The following ADGRL3 variants were observed in gnomAD, a reference collection of about 807,000 sequenced individuals.
The protein encoded by ADGRL3 is calcium-independent alpha-latrotoxin receptor 3.
In ADGRL3, 62 loss-of-function variants were observed where a neutral mutation model predicts 153.5. That is an observed-to-expected ratio of 0.40 (90% CI 0.33 to 0.50). The LOEUF (loss-of-function observed/expected upper bound fraction) is 0.50. Ranked by LOEUF, ADGRL3 falls within the 20% of genes least tolerant of loss-of-function variation. ADGRL3 has a pLI of 0.47. For synonymous variants in ADGRL3, 710 were observed against 672.5 expected, an observed-to-expected ratio of 1.06 and a Z score of -0.86; for missense variants, 1,641 against 1,859.4, an observed-to-expected ratio of 0.88 and a Z score of 2.16.
At chr4:61,735,783 A>G (rs570840550) in intron 8 of ADGRL3, among the ~76,000 whole-genome samples, 1 of 152,292 alleles carries the variant, frequency 6.6e-6, no homozygotes, top group African/African-American at 2.4e-5. Context: ...TTTTATTTAG[A>G]ATAATAGATA....
chr4:61,639,387 CAAAATTTGA>C (rs1449636887), intron 5 of ADGRL3, among the ~76,000 whole-genome samples: 1 of 151,682 alleles, frequency 6.6e-6, no homozygotes, highest in Admixed American at 6.6e-5. Flanking sequence ...TAATCATATA[CAAAATTTGA>C]AAAATTTGAA....
intron 8 of ADGRL3, among the ~76,000 whole-genome samples, chr4:61,761,905 T>G (rs950302294): frequency 1.3e-5 from 2 of 152,216 alleles, no homozygotes; most frequent in African/African-American, 4.8e-5. Context: ...TACTCCAGCC[T>G]GGGCAACAGA....
At chr4:61,760,182 A>G (rs2096893402) in intron 8 of ADGRL3, among the ~76,000 whole-genome samples, 1 of 152,140 alleles carries the variant, frequency 6.6e-6, no homozygotes, top group Non-Finnish European at 1.5e-5. Flanking sequence ...TTCTCTTCAA[A>G]GCTGTCAGAC....
At chr4:61,757,746 T>C (rs2096854919) in intron 8 of ADGRL3, among the ~76,000 whole-genome samples, 1 of 152,218 alleles carries the variant, frequency 6.6e-6, no homozygotes, top group Admixed American at 6.5e-5. Context: ...CTGCTTTCTC[T>C]TGTGGGCATT....
At chr4:61,660,762 T>C (rs1580147533) in intron 5 of ADGRL3, among the ~76,000 whole-genome samples, 1 of 152,120 alleles carries the variant, frequency 6.6e-6, no homozygotes, top group Non-Finnish European at 1.5e-5. Context: ...GTCTTTCTTC[T>C]GAGTAACTTT....
rs2091902159 is a variant in ADGRL3 at position 61,615,555 on chromosome 4, T to C, written c.473+28115T>C. Among the ~76,000 whole-genome samples, 3 of 148,852 alleles carry C rather than the reference T, an allele frequency of 2.0e-5. No homozygotes were observed. In the Admixed American group the frequency reaches 2.1e-4, roughly 10 times the overall value. ...AGAAGAACAGAAGTGTGAGAAAGAA[T>C]TTTATACGTCGGTTGGAATATTGTG... On this transcript the variant is annotated intron_variant, in intron 5 of 26. Transcript: ENST00000683033.
chr4:61,364,732 G>T (rs1185107228), intron 1 of ADGRL3, among the ~76,000 whole-genome samples: 1 of 152,194 alleles, frequency 6.6e-6, no homozygotes, highest in East Asian at 1.9e-4. Context: ...GTACAAACAG[G>T]TTGGAGTTAG....
At chr4:61,386,567 G>A (rs931378152) in intron 2 of ADGRL3, among the ~76,000 whole-genome samples, 1 of 152,234 alleles carries the variant, frequency 6.6e-6, no homozygotes, top group Middle Eastern at 3.4e-3. Flanking sequence ...ACTAAACTTT[G>A]TGATAAATCT....
At position 61,909,775 on chromosome 4, in the gene ADGRL3, G is replaced by A. The variant is rs1044981238; in HGVS notation, c.2073+30G>A. On this transcript the variant is annotated intron_variant, in intron 12 of 26. Transcript: ENST00000683033. ...GGACCCTAATTATGTGTGTGTGTGT[G>A]TGTGTGTGTGTGTGTGTGTGTGTGT... 286 of 1,321,082 alleles carry A rather than the reference G, an allele frequency of 2.2e-4. 8 individuals carry two copies. The highest frequency in any genetic ancestry group is 5.2e-4 in the Admixed American group (19 of 36,468). The allele number at this position is 1,321,082 out of a possible 1,614,324, so 81.8% of individuals were successfully genotyped here. A position where few individuals can be genotyped will look rare whatever the true frequency, so the allele number is the denominator to read the frequency against.
intron 9 of ADGRL3, among the ~76,000 whole-genome samples, chr4:61,846,379 T>C (rs1347013843): frequency 6.6e-6 from 1 of 151,956 alleles, no homozygotes; most frequent in Non-Finnish European, 1.5e-5. Flanking sequence ...ATGTAGAACA[T>C]ACTAAAGAAA....
chr4:61,251,494 A>G (rs1036723620), intron 1 of ADGRL3, among the ~76,000 whole-genome samples: 2 of 152,214 alleles, frequency 1.3e-5, no homozygotes, highest in Non-Finnish European at 2.9e-5. Context: ...TGAAGAATTC[A>G]CAGGCCCTCC....
At chr4:61,646,330 A>G (rs1041549411) in intron 5 of ADGRL3, among the ~76,000 whole-genome samples, 10 of 152,058 alleles carry the variant, frequency 6.6e-5, no homozygotes, top group African/African-American at 2.4e-4. Flanking sequence ...GCTGGTGAGG[A>G]ACTGCGTTCC....
intron 5 of ADGRL3, among the ~76,000 whole-genome samples, chr4:61,672,097 G>T (rs1209940117): frequency 1.3e-5 from 2 of 152,066 alleles, no homozygotes; most frequent in Non-Finnish European, 2.9e-5. Flanking sequence ...TTTGACCTGT[G>T]CTTCTGGGGT....
intron 1 of ADGRL3, among the ~76,000 whole-genome samples, chr4:61,295,812 A>AG (rs2094391466): frequency 6.6e-6 from 1 of 151,644 alleles, no homozygotes; most frequent in Admixed American, 6.6e-5. Flanking sequence ...TTTAAAAAAA[A>AG]AAAAAAGAAA....
chr4:61,385,535 T>C (rs2096726296), intron 2 of ADGRL3: 1 of 152,196 alleles, frequency 6.6e-6, no homozygotes, highest in Non-Finnish European at 1.5e-5. Context: ...TCACAGCTTC[T>C]CTGAAGGTTT....
At chr4:61,649,762 A>G (rs1291387511) in intron 5 of ADGRL3, among the ~76,000 whole-genome samples, 2 of 152,268 alleles carry the variant, frequency 1.3e-5, no homozygotes, top group Non-Finnish European at 1.5e-5. Flanking sequence ...AGTCAGCATA[A>G]TAAGAACCAG....
intron 6 of ADGRL3, among the ~76,000 whole-genome samples, chr4:61,715,650 C>T (rs903023332): frequency 6.6e-6 from 1 of 151,940 alleles, no homozygotes; most frequent in African/African-American, 2.4e-5. Flanking sequence ...TGATATTTTG[C>T]ACTTGTGGTA....
intron 26 of ADGRL3, among the ~76,000 whole-genome samples, chr4:62,069,118 CT>C: frequency 6.6e-6 from 1 of 152,100 alleles, no homozygotes; most frequent in Non-Finnish European, 1.5e-5. Flanking sequence ...TCTTGTTTTT[CT>C]GTTCATTCAA....
At chr4:61,739,672 T>G (rs1023545304) in intron 8 of ADGRL3, among the ~76,000 whole-genome samples, 3 of 152,220 alleles carry the variant, frequency 2.0e-5, no homozygotes, top group Non-Finnish European at 4.4e-5. Flanking sequence ...GTAGTCATCT[T>G]CACTGTCAGC....
Sources: gnomAD v4.1 joint callset for allele counts (sites outside exome capture counted in the v4.1 genomes callset) on GRCh38, gnomAD v4.1.1 for gene constraint, MANE v1.5 for transcripts, NCBI Gene and HGNC (gene_info 2026-07-23, HGNC 2026-07-21) for gene names.